Variants in TRDN observed in about 807,000 individuals in gnomAD.
The protein encoded by TRDN is triadin in skeletal muscle.
Under a neutral mutation model 149.7 loss-of-function variants are expected in TRDN, and 161 were observed. The observed-to-expected ratio is 1.08, with a 90% CI of 0.95 to 1.23. The LOEUF is 1.23. TRDN is among the 50% of genes most tolerant of loss of function. The pLI is 0.00. For missense variants in TRDN, 896 were observed against 823.5 expected, an observed-to-expected ratio of 1.09 and a Z score of -1.08; for synonymous variants, 294 against 250.5, an observed-to-expected ratio of 1.17 and a Z score of -1.64.
intron 2 of TRDN, among the ~76,000 whole-genome samples, chr6:123,553,097 C>A (rs1424055029): frequency 6.6e-6 from 1 of 152,106 alleles, no homozygotes; most frequent in Non-Finnish European, 1.5e-5. Context: ...TAGTAAACAT[C>A]AACGTGAAGA....
intron 9 of TRDN, among the ~76,000 whole-genome samples, chr6:123,494,632 G>GT (rs1778356327): frequency 6.6e-6 from 1 of 152,182 alleles, no homozygotes; most frequent in Admixed American, 6.6e-5. Context: ...CATCTCATAT[G>GT]TAAGTAAACA....
At position 123,393,675 on chromosome 6, in the gene TRDN, G is replaced by A. The variant is rs1006878841; in HGVS notation, c.1054C>T (p.Pro352Ser). The change falls in exon 13 of 41, where the codon CCG (proline) becomes TCG (serine). Residue 352 changes from proline to serine, a missense_variant and splice_region_variant. Pro to Ser is a moderately conservative substitution (Grantham distance 74). Transcript: ENST00000334268. ...ETAIDVEKKE[P>S]GKASETKQGT... ...TGTTTGGTTTCAGAAGCTTTTCCCGGCTCTTGGAATGAAAAAAACATAAAT... is the reference window on the plus strand; with the variant it reads ...TGTTTGGTTTCAGAAGCTTTTCCCGACTCTTGGAATGAAAAAAACATAAAT... The A allele has an allele frequency of 1.9e-6, 3 of 1,604,222 alleles. No homozygotes were observed. The highest frequency in any genetic ancestry group is 2.7e-5 in the African/African-American group (2 of 74,630).
chr6:123,538,588 C>G (rs1031065033), intron 4 of TRDN, among the ~76,000 whole-genome samples: 2 of 152,052 alleles, frequency 1.3e-5, no homozygotes, highest in Non-Finnish European at 2.9e-5. Flanking sequence ...GGCAACCACT[C>G]CAGATACAGT....
intron 38 of TRDN, among the ~76,000 whole-genome samples, chr6:123,232,076 T>C (rs1168141550): frequency 6.6e-6 from 1 of 151,754 alleles, no homozygotes; most frequent in Non-Finnish European, 1.5e-5. Context: ...CACAAAGAAG[T>C]AGATAATGTA....
At chr6:123,479,333 T>C (rs527632995) in intron 9 of TRDN, among the ~76,000 whole-genome samples, 2 of 152,192 alleles carry the variant, frequency 1.3e-5, no homozygotes, top group South Asian at 4.1e-4. Flanking sequence ...CATTTTTCCA[T>C]GATTAGTGGG....
chr6:123,364,808 C>T (rs1488358218), intron 20 of TRDN, among the ~76,000 whole-genome samples: 2 of 152,180 alleles, frequency 1.3e-5, no homozygotes, highest in Non-Finnish European at 2.9e-5. Context: ...AGTCCACTTA[C>T]TGGGCCCATG....
At chr6:123,528,657 G>C in intron 5 of TRDN, 2 of 986,782 alleles carry the variant, frequency 2.0e-6, no homozygotes, top group Non-Finnish European at 2.4e-6. Context: ...ACAGAAAACA[G>C]TATTTATCCA....
chr6:123,620,853 A>C (rs1232231958), intron 1 of TRDN, among the ~76,000 whole-genome samples: 1 of 152,102 alleles, frequency 6.6e-6, no homozygotes, highest in Non-Finnish European at 1.5e-5. Context: ...TAAAGCCAGC[A>C]AGTCAAATTA....
intron 12 of TRDN, among the ~76,000 whole-genome samples, chr6:123,404,587 T>C (rs982569140): frequency 6.6e-6 from 1 of 152,158 alleles, no homozygotes; most frequent in Non-Finnish European, 1.5e-5. Flanking sequence ...TAGCTGGGAT[T>C]ACAGGCGTGC....
intron 32 of TRDN, 108 bp downstream of exon 32, chr6:123,267,599 C>G: frequency 5.6e-6 from 4 of 717,200 alleles, no homozygotes; most frequent in Non-Finnish European, 8.6e-6. Flanking sequence ...CAGGACAACA[C>G]ATTACCAGGA....
intron 4 of TRDN, among the ~76,000 whole-genome samples, chr6:123,531,517 G>A (rs1253931403): frequency 6.6e-6 from 1 of 151,982 alleles, no homozygotes; most frequent in Non-Finnish European, 1.5e-5. Flanking sequence ...ACAGCTACTA[G>A]CTTTCATTCA....
At chr6:123,364,399 G>A (rs2114351258) in intron 20 of TRDN, among the ~76,000 whole-genome samples, 1 of 152,294 alleles carries the variant, frequency 6.6e-6, no homozygotes, top group African/African-American at 2.4e-5. Context: ...AACACTTTGA[G>A]AGGCTGAGGC....
chr6:123,435,075 G>T (rs1774495650), intron 12 of TRDN, among the ~76,000 whole-genome samples: 1 of 149,158 alleles, frequency 6.7e-6, no homozygotes. Context: ...CAATATAAGG[G>T]AATAAAATAA....
chr6:123,490,629 AT>A (rs1406955991), intron 9 of TRDN, among the ~76,000 whole-genome samples: 1 of 152,166 alleles, frequency 6.6e-6, no homozygotes, highest in East Asian at 1.9e-4. Flanking sequence ...AACCTGAACC[AT>A]TTCATTTTGC....
intron 1 of TRDN, among the ~76,000 whole-genome samples, chr6:123,585,659 C>T (rs913590573): frequency 4.6e-5 from 7 of 152,244 alleles, no homozygotes; most frequent in Middle Eastern, 3.4e-3. Flanking sequence ...AGTCCGATTT[C>T]CAGTGGGGTT....
chr6:123,592,166 T>C (rs1583297360), intron 1 of TRDN, among the ~76,000 whole-genome samples: 1 of 152,322 alleles, frequency 6.6e-6, no homozygotes, highest in South Asian at 2.1e-4. Flanking sequence ...TGGCAACTAA[T>C]AAAAGGCTTT....
At chr6:123,382,225 A>T (rs989016824) in intron 14 of TRDN, 78 bp from the exon 15 acceptor site, 1 of 946,126 alleles carries the variant, frequency 1.1e-6, no homozygotes, top group African/African-American at 1.7e-5. Context: ...AAATTTCTAT[A>T]AACAATCAAA....
chr6:123,499,452 C>T (rs1266922537), intron 8 of TRDN, among the ~76,000 whole-genome samples: 1 of 151,546 alleles, frequency 6.6e-6, no homozygotes, highest in South Asian at 2.1e-4. Flanking sequence ...GCCTGTAATC[C>T]CAGAACTTTC....
At chr6:123,362,857 T>C (rs926963793) in intron 20 of TRDN, among the ~76,000 whole-genome samples, 3 of 152,154 alleles carry the variant, frequency 2.0e-5, no homozygotes, top group African/African-American at 7.2e-5. Flanking sequence ...CGATTTTTCA[T>C]ATAATATATA....
Sources: gnomAD v4.1 joint callset for allele counts (sites outside exome capture counted in the v4.1 genomes callset) on GRCh38, gnomAD v4.1.1 for gene constraint, MANE v1.5 for transcripts, NCBI Gene and HGNC (gene_info 2026-07-23, HGNC 2026-07-21) for gene names.